Variants in CCDC186 observed in about 807,000 individuals in gnomAD.
CCDC186 encodes coiled-coil domain-containing protein 186.
CCDC186 carries 49 observed loss-of-function variants against 113.7 expected under a neutral mutation model. The observed-to-expected ratio is 0.43, with a 90% CI of 0.34 to 0.55. CCDC186 has a LOEUF of 0.55. Ranked by LOEUF, CCDC186 falls within the 20% of genes least tolerant of loss-of-function variation. CCDC186 has a pLI of 0.02. For synonymous variants in CCDC186, 355 were observed against 345.8 expected (o/e 1.03, Z -0.30); for missense variants, 890 against 1,011.1 (o/e 0.88, Z 1.62).
At position 114,123,891 on chromosome 10, in the gene CCDC186, G is replaced by C. The variant is rs2030805217; in HGVS notation, c.*1252C>G. On this transcript the variant is annotated 3_prime_UTR_variant, in exon 16 of 16. Transcript: ENST00000369287. ...GACAGGGTCTTGCTCTGTTGCCTAG[G>C]CTGGAGTGCAGTGACACGATCATGG... is the stretch of plus-strand genomic sequence containing the variant. 1 of 152,284 alleles carries C rather than the reference G, an allele frequency of 6.6e-6. No individual in the cohort carries two copies. The highest frequency in any genetic ancestry group is 2.4e-5 in the African/African-American group (1 of 41,442). 9.4% of individuals were successfully genotyped at this position (152,284 alleles called of 1,614,324 possible).
In CCDC186 at chr10:114,162,634, T is replaced by C; in HGVS notation, c.632+3A>G. ...AAATAACCTAAAGGTATAAAAAACT[T>C]ACTTTTTTATGATATGTTCCTGCTG... is the stretch of plus-strand genomic sequence containing the variant. On this transcript the variant is annotated splice_donor_region_variant and intron_variant, in intron 2 of 15. Coordinates refer to ENST00000369287, the MANE Select transcript of CCDC186 (RefSeq NM_018017.4). 6.5e-7 allele frequency: 1 copy of C among 1,543,648 alleles called. No individual in the cohort carries two copies. The highest frequency in any genetic ancestry group is 1.2e-5 in the South Asian group (1 of 80,188).
rs116567532 is a variant in CCDC186, at chr10:114,165,913, G to A, written c.-61-2584C>T. On this transcript the variant is annotated intron_variant, in intron 1 of 15. Coordinates refer to ENST00000369287, the MANE Select transcript of CCDC186 (RefSeq NM_018017.4). ...GTCAAATTATACCTCTTCATGCCAA[G>A]CAGCTGGGAACAGCTTCAACTTTTC... The A allele has an allele frequency of 5.8e-4, 568 of 981,868 alleles. No individual in the cohort carries two copies. The African/African-American group carries it at 9.3e-3, about 16-fold the overall frequency. 60.8% of individuals were successfully genotyped at this position (981,868 alleles called of 1,614,324 possible).
At chr10:114,168,197 C>T (rs777705774) in intron 1 of CCDC186, 11 of 152,124 alleles carry the variant, frequency 7.2e-5, no homozygotes, top group East Asian at 1.9e-4. Flanking sequence ...ATTCACACTT[C>T]GAAATCATTT....
At chr10:114,168,574 A>C (rs2032400430) in intron 1 of CCDC186, among the ~76,000 whole-genome samples, 1 of 152,136 alleles carries the variant, frequency 6.6e-6, no homozygotes, top group Non-Finnish European at 1.5e-5. Context: ...GGACCACTAA[A>C]CTGGCTCGAC....
In CCDC186 at chr10:114,151,687, C is replaced by A. The variant is rs558025196; in HGVS notation, c.760-467G>T. Among the ~76,000 whole-genome samples, 5 of 152,214 alleles carry A rather than the reference C, an allele frequency of 3.3e-5. No individual in the cohort carries two copies. The East Asian group carries it at 9.6e-4, about 29-fold the overall frequency. ...CAGCATGTCTGCATTGTACACACTACCTGCCAGTTAGTCGCTTAGTAGCCA... is the reference window on the plus strand; with the variant it reads ...CAGCATGTCTGCATTGTACACACTAACTGCCAGTTAGTCGCTTAGTAGCCA... On this transcript the variant is annotated intron_variant, in intron 3 of 15. Coordinates refer to ENST00000369287, the MANE Select transcript of CCDC186 (RefSeq NM_018017.4).
intron 1 of CCDC186, among the ~76,000 whole-genome samples, chr10:114,164,368 C>T (rs1171574541): frequency 1.3e-5 from 2 of 151,984 alleles, no homozygotes; most frequent in Non-Finnish European, 2.9e-5. Context: ...GGTGATCCAC[C>T]TGCCTTGGCC....
In CCDC186 at chr10:114,129,745, G is replaced by T. The variant is rs957574923; in HGVS notation, c.2182+146C>A. On this transcript the variant is annotated intron_variant, in intron 13 of 15. Coordinates refer to ENST00000369287, the MANE Select transcript of CCDC186 (RefSeq NM_018017.4). ...GGGTTTCTCCATGTTGGCCAGACTG[G>T]TCTTGAACTTCTGACCTCAGGTGAT... is the stretch of plus-strand genomic sequence containing the variant. 13 of 585,252 alleles carry T rather than the reference G, an allele frequency of 2.2e-5. 1 individual carries two copies. Among genetic ancestry groups the T allele is most frequent in the Non-Finnish European group, 3.2e-5 (11 of 338,652 alleles). The allele number at this position is 585,252 out of a possible 1,614,324, so 36.3% of individuals were successfully genotyped here.
At chr10:114,144,450 C>T in intron 6 of CCDC186, 47 bp downstream of exon 6, 1 of 1,546,636 alleles carries the variant, frequency 6.5e-7, no homozygotes. Context: ...AAAACAAAAA[C>T]AAAAAAACTC....
At chr10:114,153,219 A>T (rs1259766453) in intron 3 of CCDC186, among the ~76,000 whole-genome samples, 1 of 152,254 alleles carries the variant, frequency 6.6e-6, no homozygotes, top group African/African-American at 2.4e-5. Flanking sequence ...GGTTACAAAC[A>T]AACTTCCATA....
At position 114,136,263 on chromosome 10, in the gene CCDC186, A is replaced by G. The variant is rs1470770341; in HGVS notation, c.1327-17T>C. ...TTCTGACTCCTAGTGGAAAGAAAACAAAAAAAGTGTGACAATTTTTAACCC... is the reference window on the plus strand; with the variant it reads ...TTCTGACTCCTAGTGGAAAGAAAACGAAAAAAGTGTGACAATTTTTAACCC... On this transcript the variant is annotated splice_polypyrimidine_tract_variant and intron_variant, in intron 7 of 15. Transcript: ENST00000369287. 6.3e-7 allele frequency: 1 copy of G among 1,578,978 alleles called. No homozygotes were observed. The highest frequency in any genetic ancestry group is 1.7e-5 in the Admixed American group (1 of 59,008).
At chr10:114,151,253 T>A in intron 3 of CCDC186, 33 bp from the exon 4 acceptor site, 1 of 1,407,800 alleles carries the variant, frequency 7.1e-7, no homozygotes, top group South Asian at 1.2e-5. Context: ...ATTATTTTTA[T>A]AGCTATACCA....
At position 114,165,552 on chromosome 10, in the gene CCDC186, G is replaced by T. The variant is rs570326503; in HGVS notation, c.-61-2223C>A. On this transcript the variant is annotated intron_variant, in intron 1 of 15. Coordinates refer to ENST00000369287, the MANE Select transcript of CCDC186 (RefSeq NM_018017.4). ...ACTAAAAATACAAAATTAGCTGGGC[G>T]TGGTGGCAGCCGCCTGAAATCCCAG... 7.9e-5 allele frequency among the ~76,000 whole-genome samples: 12 copies of T among 152,286 alleles called. No homozygotes were observed. In the South Asian group the frequency reaches 2.5e-3, roughly 32 times the overall value.
chr10:114,174,182 G>T lies in CCDC186; in HGVS notation c.-229C>A. On this transcript the variant is annotated 5_prime_UTR_variant, in exon 1 of 16. Transcript: ENST00000369287. ...GCGGCCGTTTCCCCAAACCCCTGCG[G>T]AGCTGACACATCAACAAAGATGGCG... 1 of 452,866 alleles carries T rather than the reference G, an allele frequency of 2.2e-6. No homozygotes were observed. Among genetic ancestry groups the T allele is most frequent in the South Asian group, 1.6e-5 (1 of 61,958 alleles). The allele number at this position is 452,866 out of a possible 1,614,324, so 28.1% of individuals were successfully genotyped here.
intron 5 of CCDC186, 85 bp downstream of exon 5, chr10:114,145,459 GTTAAA>G: frequency 8.4e-7 from 1 of 1,184,168 alleles, no homozygotes; most frequent in Non-Finnish European, 1.2e-6. Flanking sequence ...TGTTAACCAT[GTTAAA>G]TTATGATTAT....
chr10:114,139,189 ATC>A (rs773420971), intron 6 of CCDC186, among the ~76,000 whole-genome samples: 3 of 148,770 alleles, frequency 2.0e-5, no homozygotes, highest in Non-Finnish European at 4.4e-5. Flanking sequence ...CCCAATACTC[ATC>A]TCCCTTTGTT....
Position 114,145,668 on chromosome 10 carries a change from C to T in CCDC186, c.982G>A (p.Glu328Lys). Residue 328 changes from glutamate to lysine, a missense_variant, in exon 5 of 16, where the codon GAA becomes AAA. Coordinates refer to ENST00000369287, the MANE Select transcript of CCDC186 (RefSeq NM_018017.4). Reference sequence around the variant, plus strand: ...AGTTTTTTCTCAAGTGTCTCTTTTTCCTTTCGAAGATCTAAAGATTCCTTC... The same window carrying T: ...AGTTTTTTCTCAAGTGTCTCTTTTTTCTTTCGAAGATCTAAAGATTCCTTC... ...GEKESLDLRK[E>K]KETLEKKLRD... The T allele has an allele frequency of 6.2e-7, 1 of 1,612,860 alleles. No homozygotes were observed. Among genetic ancestry groups the T allele is most frequent in the Non-Finnish European group, 8.5e-7 (1 of 1,179,742 alleles).
chr10:114,139,503 C>T (rs185560821), intron 6 of CCDC186, among the ~76,000 whole-genome samples: 15 of 149,112 alleles, frequency 1.0e-4, no homozygotes, highest in Admixed American at 2.7e-4. Flanking sequence ...GCAGAGGTTG[C>T]AGTGAGCCAA....
chr10:114,161,763 C>T (rs1036480367), intron 2 of CCDC186: 1 of 152,038 alleles, frequency 6.6e-6, no homozygotes, highest in African/African-American at 2.4e-5. Flanking sequence ...GCATTATTAA[C>T]AACAGCCAAA....
At chr10:114,158,332 CA>C (rs1391867388) in intron 2 of CCDC186, among the ~76,000 whole-genome samples, 1 of 152,038 alleles carries the variant, frequency 6.6e-6, no homozygotes, top group Non-Finnish European at 1.5e-5. Context: ...CCTAGAAAAA[CA>C]GAAATAAAGT....
Sources: gnomAD v4.1 joint callset for allele counts (sites outside exome capture counted in the v4.1 genomes callset) on GRCh38, gnomAD v4.1.1 for gene constraint, MANE v1.5 for transcripts, NCBI Gene and HGNC (gene_info 2026-07-23, HGNC 2026-07-21) for gene names.